COQ3: variants seen among roughly 807,000 people sequenced by gnomAD.
The protein encoded by COQ3 is ubiquinone biosynthesis O-methyltransferase, mitochondrial.
COQ3 carries 29 observed loss-of-function variants against 33.1 expected under a neutral mutation model. The ratio of observed to expected loss-of-function variants is 0.88; its 90% CI spans 0.65 to 1.19. The LOEUF (loss-of-function observed/expected upper bound fraction) is 1.19, where lower values mean the gene tolerates loss of function less well. Among genes scored for constraint, COQ3 ranks in the 50% most tolerant of loss-of-function variants. The pLI is 0.00. For synonymous variants in COQ3, 173 were observed against 157.8 expected (o/e 1.10, Z -0.72); for missense variants, 437 against 430.7 (o/e 1.01, Z -0.13).
Position 99,389,240 on chromosome 6 carries a change from G to A in COQ3, c.106+4834C>T, listed in dbSNP as rs1448588386. On this transcript the variant is annotated intron_variant, in intron 1 of 6. Transcript: ENST00000254759. ...CAGTTTCAAGTGATTATCCAGCTCA[G>A]CCTCCCAAGTAACTGGGACTACAGG... Among the ~76,000 whole-genome samples the A allele has an allele frequency of 3.3e-5, 5 of 152,180 alleles. No individual in the cohort carries two copies. The East Asian group carries it at 9.7e-4, about 29-fold the overall frequency.
chr6:99,381,816 C>T (rs1774480502), intron 2 of COQ3, among the ~76,000 whole-genome samples: 1 of 151,158 alleles, frequency 6.6e-6, no homozygotes, highest in African/African-American at 2.4e-5. Flanking sequence ...ATCTCAGCTA[C>T]TTGGGAGGCT....
At chr6:99,370,985 A>G (rs1351405838) in intron 6 of COQ3, among the ~76,000 whole-genome samples, 1 of 152,208 alleles carries the variant, frequency 6.6e-6, no homozygotes, top group African/African-American at 2.4e-5. Context: ...CAAAATAACC[A>G]TAAAGTCATG....
chr6:99,372,168 C>T (rs1046070068), intron 5 of COQ3, among the ~76,000 whole-genome samples: 8 of 151,996 alleles, frequency 5.3e-5, no homozygotes, highest in Admixed American at 3.9e-4. Flanking sequence ...CTTTGAGAGG[C>T]TAAGGCGGGC....
chr6:99,381,302 T>C lies in COQ3; in HGVS notation c.234-961A>G, dbSNP rs141492270. Among the ~76,000 whole-genome samples the C allele has an allele frequency of 7.2e-5, 11 of 152,350 alleles. No individual in the cohort carries two copies. In the East Asian group the frequency reaches 1.9e-3, roughly 27 times the overall value. ...AATACAAATTTGATTGTTATTTTCC[T>C]GAATAAAATGCTTCCATATCTTCCC... On this transcript the variant is annotated intron_variant, in intron 2 of 6. Transcript: ENST00000254759.
At chr6:99,382,293 T>C (rs553919531) in intron 2 of COQ3, among the ~76,000 whole-genome samples, 1 of 152,260 alleles carries the variant, frequency 6.6e-6, no homozygotes, top group South Asian at 2.1e-4. Flanking sequence ...TACACTGACT[T>C]CCATGTAGAA....
chr6:99,382,682 G>C lies in COQ3; in HGVS notation c.233+1016C>G, dbSNP rs6570014. Among the ~76,000 whole-genome samples the C allele has an allele frequency of 9.2e-4, 139 of 151,754 alleles. 2 individuals are homozygous for C. The East Asian group carries it at 0.024, about 26-fold the overall frequency. On this transcript the variant is annotated intron_variant, in intron 2 of 6. Transcript: ENST00000254759. ...GAAAACAGAGTTCAAGGCTGGGCGC[G>C]GTGGCTCATGCCTGTAATCCCAGCA...
intron 3 of COQ3, among the ~76,000 whole-genome samples, chr6:99,378,105 C>CATATATATATAT (rs57039767): frequency 1.3e-5 from 1 of 77,580 alleles, no homozygotes; most frequent in Non-Finnish European, 2.3e-5. Flanking sequence ...GTAAACTAAA[C>CATATATATATAT]ATATATATAT....
Position 99,375,934 on chromosome 6 carries a change from C to G in COQ3, c.729+6G>C. The G allele has an allele frequency of 1.2e-6, 2 of 1,613,732 alleles. No homozygotes were observed. The highest frequency in any genetic ancestry group is 1.3e-5 in the African/African-American group (1 of 75,036). ...GAAACCAAGATGTAAACTCCATAAG[C>G]CTTACTTTTAACACTTGACAGCAGC... On this transcript the variant is annotated splice_donor_region_variant and intron_variant, in intron 5 of 6. Coordinates refer to ENST00000254759, the MANE Select transcript of COQ3 (RefSeq NM_017421.4).
chr6:99,371,300 G>GGTC, intron 6 of COQ3, 128 bp downstream of exon 6: 1 of 599,134 alleles, frequency 1.7e-6, no homozygotes, highest in African/African-American at 1.9e-5. Context: ...TAGTTGAGAA[G>GGTC]ATAAAACCAA....
At chr6:99,388,801 T>G (rs2128473654) in intron 1 of COQ3, among the ~76,000 whole-genome samples, 1 of 151,798 alleles carries the variant, frequency 6.6e-6, no homozygotes, top group African/African-American at 2.4e-5. Context: ...TGAGCCAAGA[T>G]CGCACCATTA....
At chr6:99,380,565 C>G (rs986351965) in intron 2 of COQ3, among the ~76,000 whole-genome samples, 1 of 152,002 alleles carries the variant, frequency 6.6e-6, no homozygotes, top group Non-Finnish European at 1.5e-5. Flanking sequence ...AGTTTCAATT[C>G]AAAACAGAAC....
chr6:99,377,825 AGACCCATTTC>A (rs1774339778), intron 3 of COQ3, among the ~76,000 whole-genome samples: 1 of 151,980 alleles, frequency 6.6e-6, no homozygotes, highest in South Asian at 2.1e-4. Flanking sequence ...AATACTTGCT[AGACCCATTTC>A]ATGTCAGCAG....
intron 1 of COQ3, among the ~76,000 whole-genome samples, chr6:99,391,998 C>CA (rs71545778): frequency 0.14 from 20,434 of 142,966 alleles, 1,927 homozygotes; most frequent in Admixed American, 0.21. Context: ...GACCTTTTCT[C>CA]AAAAAAAAAA....
chr6:99,381,199 C>G (rs559770324), intron 2 of COQ3, among the ~76,000 whole-genome samples: 4 of 152,160 alleles, frequency 2.6e-5, no homozygotes, highest in African/African-American at 9.7e-5. Context: ...AGTGTCCTAG[C>G]CTTCTAACTG....
intron 1 of COQ3, among the ~76,000 whole-genome samples, chr6:99,391,098 T>TATTGATTG (rs71702666): frequency 0.095 from 12,739 of 133,738 alleles, 567 homozygotes; most frequent in Middle Eastern, 0.17. Flanking sequence ...TTTATTTATT[T>TATTGATTG]ATTTATTTAT....
Position 99,371,558 on chromosome 6 carries a change from G to A in COQ3, c.759C>T (p.Ile253=), listed in dbSNP as rs1180652814. Residue 253 remains isoleucine (I), a synonymous_variant, in exon 6 of 7, where the codon ATC becomes ATT. Transcript: ENST00000254759. Reference sequence around the variant, plus strand: ...AGGCATAGGAAAGTTGTGTTTTGTTGATTGTAGTAATGAATAAAGAACCAC... The same window carrying A: ...AGGCATAGGAAAGTTGTGTTTTGTTAATTGTAGTAATGAATAAAGAACCAC... ...KPGGSLFITT[I]NKTQLSYALG... 1 of 1,603,632 alleles carries A rather than the reference G, an allele frequency of 6.2e-7. No homozygotes were observed. Among genetic ancestry groups the A allele is most frequent in the African/African-American group, 1.3e-5 (1 of 74,432 alleles).
chr6:99,390,491 G>A (rs1478669452), intron 1 of COQ3, among the ~76,000 whole-genome samples: 3 of 151,948 alleles, frequency 2.0e-5, no homozygotes, highest in Non-Finnish European at 4.4e-5. Flanking sequence ...CCGCCACCAC[G>A]CCTGGCTAAT....
chr6:99,389,010 T>C (rs1207596364), intron 1 of COQ3, among the ~76,000 whole-genome samples: 1 of 151,848 alleles, frequency 6.6e-6, no homozygotes, highest in Non-Finnish European at 1.5e-5. Flanking sequence ...GTGGAGTCAA[T>C]TATCATACTA....
intron 1 of COQ3, among the ~76,000 whole-genome samples, chr6:99,385,976 C>CAAAAAAAAAAAAAAAAAAAAAA (rs61403627): frequency 1.0e-5 from 1 of 97,700 alleles, no homozygotes; most frequent in Non-Finnish European, 1.9e-5. Flanking sequence ...GACTCTGTCT[C>CAAAAAAAAAAAAAAAAAAAAAA]AAAAAAAAAA....
Sources: allele counts gnomAD v4.1 joint callset (sites outside exome capture counted in the v4.1 genomes callset), GRCh38; gene constraint gnomAD v4.1.1; transcripts MANE v1.5; gene names NCBI Gene and HGNC (gene_info 2026-07-23, HGNC 2026-07-21).